The following SLIT3 variants were observed in gnomAD, a reference collection of about 807,000 sequenced individuals.
The protein encoded by SLIT3 is slit guidance ligand 3.
A neutral mutation model predicts 184.0 loss-of-function variants in SLIT3; 68 were observed. The ratio of observed to expected loss-of-function variants is 0.37; its 90% CI spans 0.30 to 0.45. SLIT3 has a LOEUF of 0.45. SLIT3 is among the 20% of genes least tolerant of loss of function. The probability of loss-of-function intolerance (pLI) is 1.00; values close to 1 mark genes in which losing one functional copy is unlikely to be tolerated. For synonymous variants in SLIT3, 831 were observed against 828.6 expected (o/e 1.00, Z -0.05); for missense variants, 1,707 against 2,026.0 (o/e 0.84, Z 3.02).
chr5:168,964,017 A>C (rs879387464), intron 4 of SLIT3, among the ~76,000 whole-genome samples: 3 of 152,220 alleles, frequency 2.0e-5, no homozygotes, highest in Non-Finnish European at 2.9e-5. Flanking sequence ...GTCCCTAGTT[A>C]TAATAGCAAG....
chr5:168,894,650 G>T (rs954890052), intron 4 of SLIT3, among the ~76,000 whole-genome samples: 2 of 152,212 alleles, frequency 1.3e-5, no homozygotes, highest in Non-Finnish European at 2.9e-5. Flanking sequence ...GGAATGAGCA[G>T]TTACAGTGGG....
chr5:168,964,793 G>T (rs1188280124), intron 4 of SLIT3, among the ~76,000 whole-genome samples: 1 of 152,178 alleles, frequency 6.6e-6, no homozygotes, highest in Admixed American at 6.5e-5. Context: ...TAAGCAAAGG[G>T]ACCCCTTTGC....
chr5:168,923,671 C>G (rs1761713517), intron 4 of SLIT3, among the ~76,000 whole-genome samples: 1 of 152,202 alleles, frequency 6.6e-6, no homozygotes. Context: ...CACCTGCCAC[C>G]ATGCCCAGCT....
chr5:168,669,702 AGAACTG>A, intron 35 of SLIT3, 75 bp downstream of exon 35: 1 of 1,168,492 alleles, frequency 8.6e-7, no homozygotes, highest in East Asian at 2.5e-5. Flanking sequence ...TGGCACAGCC[AGAACTG>A]GAACTGAGGT....
intron 4 of SLIT3, among the ~76,000 whole-genome samples, chr5:169,149,981 C>T (rs750524144): frequency 6.6e-6 from 1 of 152,160 alleles, no homozygotes; most frequent in African/African-American, 2.4e-5. Flanking sequence ...ATGAAGACAT[C>T]GAGGTTCTGG....
intron 9 of SLIT3, among the ~76,000 whole-genome samples, chr5:168,805,472 A>G (rs1178306210): frequency 6.6e-6 from 1 of 152,208 alleles, no homozygotes; most frequent in Non-Finnish European, 1.5e-5. Context: ...CTTTTTAATC[A>G]AGCCAACTAA....
At chr5:169,129,327 G>C (rs1761200764) in intron 4 of SLIT3, among the ~76,000 whole-genome samples, 2 of 152,124 alleles carry the variant, frequency 1.3e-5, no homozygotes, top group Admixed American at 1.3e-4. Context: ...CAAGTGGGGA[G>C]GATCATTTGA....
At chr5:169,269,068 C>A (rs1002214606) in intron 1 of SLIT3, among the ~76,000 whole-genome samples, 3 of 152,310 alleles carry the variant, frequency 2.0e-5, no homozygotes, top group East Asian at 1.9e-4. Flanking sequence ...GGAGGACAGG[C>A]CTGGATGGTC....
chr5:168,727,362 G>A (rs1763164734), intron 20 of SLIT3, among the ~76,000 whole-genome samples: 1 of 152,134 alleles, frequency 6.6e-6, no homozygotes, highest in African/African-American at 2.4e-5. Context: ...CACAGCTGAG[G>A]AGGACATATT....
chr5:168,821,647 A>T (rs181981065), intron 7 of SLIT3, among the ~76,000 whole-genome samples: 1 of 152,360 alleles, frequency 6.6e-6, no homozygotes, highest in Admixed American at 6.5e-5. Flanking sequence ...TTGGGAAGCA[A>T]AGATGGAAGC....
chr5:169,129,636 C>G (rs1761218785), intron 4 of SLIT3, among the ~76,000 whole-genome samples: 1 of 151,982 alleles, frequency 6.6e-6, no homozygotes, highest in African/African-American at 2.4e-5. Context: ...GTCATGAAAA[C>G]CAGGAAAAAA....
intron 19 of SLIT3, 147 bp downstream of exon 19, chr5:168,749,325 G>A (rs766384756): frequency 1.7e-4 from 138 of 832,140 alleles, no homozygotes; most frequent in Non-Finnish European, 2.3e-4. Context: ...TGGGCTAGTA[G>A]CAGATCTGCA....
At chr5:168,986,136 T>G (rs985350386) in intron 4 of SLIT3, among the ~76,000 whole-genome samples, 1 of 152,184 alleles carries the variant, frequency 6.6e-6, no homozygotes, top group African/African-American at 2.4e-5. Context: ...ATATGTAATA[T>G]ACCTCATACT....
At chr5:168,756,586 G>A (rs575874935) in intron 16 of SLIT3, among the ~76,000 whole-genome samples, 1 of 152,314 alleles carries the variant, frequency 6.6e-6, no homozygotes, top group East Asian at 1.9e-4. Flanking sequence ...CTCCCTGCCT[G>A]GTTCTCCTTA....
At chr5:169,027,088 A>G (rs1473184682) in intron 4 of SLIT3, among the ~76,000 whole-genome samples, 1 of 152,220 alleles carries the variant, frequency 6.6e-6, no homozygotes, top group Non-Finnish European at 1.5e-5. Flanking sequence ...TGAGTAAAAG[A>G]AAATTGAGGT....
At chr5:168,950,200 G>A (rs949552381) in intron 4 of SLIT3, among the ~76,000 whole-genome samples, 1 of 152,120 alleles carries the variant, frequency 6.6e-6, no homozygotes, top group Non-Finnish European at 1.5e-5. Flanking sequence ...CCAGAGAGCT[G>A]CCTTGTCCCT....
chr5:168,803,732 G>C (rs898534746), intron 9 of SLIT3, among the ~76,000 whole-genome samples: 5 of 152,068 alleles, frequency 3.3e-5, no homozygotes, highest in African/African-American at 1.2e-4. Context: ...GGCTGCCAAA[G>C]AGAAAAAAAC....
At chr5:169,048,124 TAGAA>T (rs779014909) in intron 4 of SLIT3, among the ~76,000 whole-genome samples, 2 of 152,096 alleles carry the variant, frequency 1.3e-5, no homozygotes, top group Non-Finnish European at 2.9e-5. Flanking sequence ...AAATTCAAGC[TAGAA>T]AGGAGAAACT....
chr5:169,151,723 G>A (rs1004598512), intron 4 of SLIT3, among the ~76,000 whole-genome samples: 11 of 152,226 alleles, frequency 7.2e-5, no homozygotes, highest in African/African-American at 2.7e-4. Flanking sequence ...AAGTACTAGG[G>A]TCGGCTCCTT....
Sources: gnomAD v4.1 joint callset for allele counts (sites outside exome capture counted in the v4.1 genomes callset) on GRCh38, gnomAD v4.1.1 for gene constraint, MANE v1.5 for transcripts, NCBI Gene and HGNC (gene_info 2026-07-23, HGNC 2026-07-21) for gene names.